The following WDR7 variants were observed in gnomAD, a reference collection of about 807,000 sequenced individuals.
WDR7 encodes the protein WD repeat domain 7.
A neutral mutation model predicts 169.4 loss-of-function variants in WDR7; 46 were observed. The ratio of observed to expected loss-of-function variants is 0.27; its 90% CI spans 0.21 to 0.35. The LOEUF (loss-of-function observed/expected upper bound fraction) is 0.35. Among genes scored for constraint, WDR7 ranks in the 10% least tolerant of loss-of-function variants. WDR7 has a pLI of 1.00. For synonymous variants in WDR7, 612 were observed against 666.8 expected, an observed-to-expected ratio of 0.92 and a Z score of 1.27; for missense variants, 1,534 against 1,859.3, an observed-to-expected ratio of 0.83 and a Z score of 3.22.
At chr18:56,758,808 G>A in intron 15 of WDR7, 57 bp from the exon 16 acceptor site, 1 of 1,367,848 alleles carries the variant, frequency 7.3e-7, no homozygotes, top group Non-Finnish European at 1.0e-6. Flanking sequence ...ATTTTAAATA[G>A]TTCTGGAAAT....
chr18:56,945,986 C>A (rs1484568493), intron 25 of WDR7, among the ~76,000 whole-genome samples: 1 of 152,206 alleles, frequency 6.6e-6, no homozygotes. Flanking sequence ...CAGAGATACA[C>A]CATGAGCTTT....
chr18:56,900,690 A>C (rs1413931539), intron 21 of WDR7, among the ~76,000 whole-genome samples: 1 of 152,178 alleles, frequency 6.6e-6, no homozygotes, highest in Admixed American at 6.5e-5. Flanking sequence ...AAATTTGCCA[A>C]AGTGGCCTAC....
In WDR7 at chr18:56,806,818, A is replaced by G. The variant is rs189791234; in HGVS notation, c.3191-9213A>G. 6.6e-5 allele frequency among the ~76,000 whole-genome samples: 10 copies of G among 152,270 alleles called. No homozygotes were observed. In the East Asian group the frequency reaches 7.7e-4, roughly 12 times the overall value. ...CCTGGAGGCTCCTTGAGTGTTTAGT[A>G]TAATGAGGGAACATTGCACTGTTTC... On this transcript the variant is annotated intron_variant, in intron 19 of 27. Coordinates refer to ENST00000254442, the MANE Select transcript of WDR7 (RefSeq NM_015285.3).
At chr18:56,733,424 A>G (rs889808037) in intron 14 of WDR7, among the ~76,000 whole-genome samples, 10 of 152,184 alleles carry the variant, frequency 6.6e-5, no homozygotes, top group African/African-American at 2.2e-4. Flanking sequence ...CACCCAAAGT[A>G]AAAAACAAAC....
intron 21 of WDR7, 71 bp from the exon 22 acceptor site, chr18:56,923,851 G>A (rs2046762917): frequency 3.0e-6 from 4 of 1,354,442 alleles, no homozygotes; most frequent in Non-Finnish European, 3.9e-6. Flanking sequence ...TATTTTGAAA[G>A]TATGCTTCAA....
intron 20 of WDR7, among the ~76,000 whole-genome samples, chr18:56,839,276 G>A (rs892214682): frequency 2.6e-5 from 4 of 152,072 alleles, no homozygotes; most frequent in African/African-American, 9.7e-5. Flanking sequence ...AAATTAAAGA[G>A]AATAATATAA....
intron 14 of WDR7, among the ~76,000 whole-genome samples, chr18:56,731,968 TC>T (rs2026597461): frequency 6.6e-6 from 1 of 152,212 alleles, no homozygotes; most frequent in Non-Finnish European, 1.5e-5. Flanking sequence ...AATTAAGATG[TC>T]TGTAATTGTG....
At chr18:56,780,280 G>T (rs760939239) in intron 18 of WDR7, among the ~76,000 whole-genome samples, 1 of 151,760 alleles carries the variant, frequency 6.6e-6, no homozygotes, top group Non-Finnish European at 1.5e-5. Context: ...TCCTTATTAT[G>T]GCATTCGACC....
intron 19 of WDR7, among the ~76,000 whole-genome samples, chr18:56,795,750 G>C (rs1298630833): frequency 6.6e-6 from 1 of 152,062 alleles, no homozygotes; most frequent in Non-Finnish European, 1.5e-5. Flanking sequence ...GTATTTGTTT[G>C]ATTTTATTTG....
In WDR7 at chr18:56,679,333, T is replaced by A; in HGVS notation, c.161T>A (p.Ile54Asn). Reference protein sequence around the residue: ...CLWDLSVELQINPRALLFGHT... With the variant: ...CLWDLSVELQNNPRALLFGHT... ...ACTAGCATATTTTTGCATTTCTAGA[T>A]TAATCCTCGAGCACTGTTGTTTGGT... The change falls in exon 3 of 28, where the codon ATT becomes AAT. Residue 54 changes from isoleucine (I) to asparagine (N), a missense_variant and splice_region_variant. Coordinates refer to ENST00000254442, the MANE Select transcript of WDR7 (RefSeq NM_015285.3). 1 of 1,606,248 alleles carries A rather than the reference T, an allele frequency of 6.2e-7. No individual in the cohort carries two copies. Among genetic ancestry groups the A allele is most frequent in the Non-Finnish European group, 8.5e-7 (1 of 1,174,690 alleles).
At chr18:56,970,236 G>GTT (rs61311711) in intron 26 of WDR7, among the ~76,000 whole-genome samples, 6,665 of 138,318 alleles carry the variant, frequency 0.048, 454 homozygotes, top group African/African-American at 0.16. Flanking sequence ...TTTTTGGTTT[G>GTT]TTTTTTTTTT....
chr18:56,840,065 AAC>A (rs2045457897), intron 20 of WDR7, among the ~76,000 whole-genome samples: 1 of 152,100 alleles, frequency 6.6e-6, no homozygotes, highest in African/African-American at 2.4e-5. Context: ...CCATCTCAAA[AAC>A]AAAACAAAAC....
intron 20 of WDR7, among the ~76,000 whole-genome samples, chr18:56,860,645 A>G (rs923143043): frequency 1.3e-5 from 2 of 152,224 alleles, no homozygotes; most frequent in Non-Finnish European, 2.9e-5. Flanking sequence ...CAGTTTAGGA[A>G]TATAATAATC....
intron 26 of WDR7, among the ~76,000 whole-genome samples, chr18:56,995,473 C>T (rs563663578): frequency 1.2e-4 from 19 of 152,226 alleles, no homozygotes; most frequent in African/African-American, 4.3e-4. Flanking sequence ...AAGTATGTTC[C>T]GTACATCACT....
chr18:57,001,599 TTGA>T (rs2047980534), intron 26 of WDR7, among the ~76,000 whole-genome samples: 1 of 152,168 alleles, frequency 6.6e-6, no homozygotes, highest in African/African-American at 2.4e-5. Flanking sequence ...AGTGCACAGT[TTGA>T]TAAGTGGTAG....
At chr18:56,695,273 T>C in intron 11 of WDR7, 75 bp downstream of exon 11, 2 of 1,540,194 alleles carry the variant, frequency 1.3e-6, no homozygotes, top group Non-Finnish European at 1.8e-6. Context: ...CTCTGTTTTT[T>C]GTTTTTAAAT....
At chr18:56,870,842 A>G (rs1044946984) in intron 20 of WDR7, among the ~76,000 whole-genome samples, 1 of 152,196 alleles carries the variant, frequency 6.6e-6, no homozygotes, top group African/African-American at 2.4e-5. Context: ...AAGTACATCT[A>G]AAGACAATTT....
chr18:56,892,710 T>A (rs1451536120), intron 21 of WDR7, among the ~76,000 whole-genome samples: 1 of 152,094 alleles, frequency 6.6e-6, no homozygotes, highest in East Asian at 1.9e-4. Context: ...AAACTACCAA[T>A]CCCTACTGTA....
chr18:56,670,645 G>C (rs2025113348), intron 1 of WDR7, among the ~76,000 whole-genome samples: 1 of 152,016 alleles, frequency 6.6e-6, no homozygotes, highest in South Asian at 2.1e-4. Flanking sequence ...TAAGTAGCTG[G>C]GACTACAGGC....
Sources: allele counts gnomAD v4.1 joint callset (sites outside exome capture counted in the v4.1 genomes callset), GRCh38; gene constraint gnomAD v4.1.1; transcripts MANE v1.5; gene names NCBI Gene and HGNC (gene_info 2026-07-23, HGNC 2026-07-21).